Variants in TRPM7 observed in about 807,000 individuals in gnomAD.
TRPM7 encodes the protein transient receptor potential cation channel subfamily M member 7, also known as LTRPC ion channel family member 7.
Under a neutral mutation model 229.7 loss-of-function variants are expected in TRPM7, and 134 were observed. The observed-to-expected ratio is 0.58, with a 90% CI of 0.51 to 0.67. The LOEUF (loss-of-function observed/expected upper bound fraction) is 0.67, where lower values mean the gene tolerates loss of function less well. Ranked by LOEUF, TRPM7 falls within the 30% of genes least tolerant of loss-of-function variation. The pLI is 0.00. For missense variants in TRPM7, 1,901 were observed against 2,210.0 expected (o/e 0.86, Z 2.80); for synonymous variants, 699 against 715.2 (o/e 0.98, Z 0.36).
At chr15:50,568,111 C>CAAAAAAAAAAA (rs57093955) in intron 38 of TRPM7, among the ~76,000 whole-genome samples, 1 of 81,438 alleles carries the variant, frequency 1.2e-5, no homozygotes, top group Non-Finnish European at 2.2e-5. Flanking sequence ...GACTCTGTCT[C>CAAAAAAAAAAA]AAAAAAAAAA....
chr15:50,606,787 C>T (rs542677495), intron 20 of TRPM7, among the ~76,000 whole-genome samples: 1 of 152,298 alleles, frequency 6.6e-6, no homozygotes, highest in Non-Finnish European at 1.5e-5. Context: ...GCGTGAGCCA[C>T]CGCGCCTGGC....
At chr15:50,676,610 G>C (rs1283003195) in intron 1 of TRPM7, among the ~76,000 whole-genome samples, 1 of 151,816 alleles carries the variant, frequency 6.6e-6, no homozygotes, top group East Asian at 1.9e-4. Context: ...ACACTGAAGA[G>C]CAACCAAAAG....
rs1191736889 is a variant in TRPM7, at chr15:50,611,213, G to A, written c.2160C>T (p.Thr720=). Residue 720 remains threonine (T), a synonymous_variant, in exon 17 of 39, where the codon ACC becomes ACT. Coordinates refer to ENST00000646667, the MANE Select transcript of TRPM7 (RefSeq NM_017672.6). ...TTGAAGAAACTGCTAACTTAAGGCA[G>A]GTTGAATTACTCCAGTTCTTCAGTT... ...TYELKNWSNS[T]CLKLAVSSRL... is the part of the protein sequence containing the mutation. The A allele has an allele frequency of 1.2e-6, 2 of 1,613,796 alleles. No homozygotes were observed. The highest frequency in any genetic ancestry group is 1.3e-5 in the African/African-American group (1 of 74,878).
In TRPM7 at chr15:50,617,896, C is replaced by T. The variant is rs183582415; in HGVS notation, c.1494+1849G>A. On this transcript the variant is annotated intron_variant, in intron 13 of 38. Transcript: ENST00000646667. ...CTGGTCTCAAACCCCTTCTCTCTGG[C>T]GATCCACTCACCTCAGACTACCAAA... Among the ~76,000 whole-genome samples, 94 of 152,080 alleles carry T rather than the reference C, an allele frequency of 6.2e-4. 1 individual carries two copies. Among genetic ancestry groups the T allele is most frequent in the African/African-American group, 2.1e-3 (87 of 41,502 alleles).
intron 25 of TRPM7, 57 bp downstream of exon 25, chr15:50,593,560 A>G (rs1270338692): frequency 3.2e-6 from 5 of 1,546,430 alleles, no homozygotes; most frequent in Middle Eastern, 3.8e-4. Flanking sequence ...TATAAGAAAT[A>G]TAACGAATAG....
intron 28 of TRPM7, among the ~76,000 whole-genome samples, chr15:50,584,589 T>C (rs1349638113): frequency 6.6e-6 from 1 of 151,884 alleles, no homozygotes; most frequent in Middle Eastern, 3.2e-3. Flanking sequence ...CTAGAAATGC[T>C]TGGGATCAGA....
At chr15:50,641,997 CA>C (rs36020101) in intron 5 of TRPM7, among the ~76,000 whole-genome samples, 36,344 of 121,836 alleles carry the variant, frequency 0.3, 4,569 homozygotes, top group Admixed American at 0.38. Context: ...GACTCTGTCT[CA>C]AAAAAAAAAA....
Position 50,574,458 on chromosome 15 carries a change from C to A in TRPM7, c.5124G>T (p.Leu1708=). ...YSPRFLEVFL[L]YCHSAGQWFA... ...ACCACTGTCCTGCTGAATGGCAATACAGCAGGAAAACTTCAAGGAACCTTA... is the reference window on the plus strand; with the variant it reads ...ACCACTGTCCTGCTGAATGGCAATAAAGCAGGAAAACTTCAAGGAACCTTA... Residue 1708 remains leucine (L), a synonymous_variant, in exon 36 of 39, where the codon CTG becomes CTT. Coordinates refer to ENST00000646667, the MANE Select transcript of TRPM7 (RefSeq NM_017672.6). 6.2e-7 allele frequency: 1 copy of A among 1,613,116 alleles called. No homozygotes were observed. Among genetic ancestry groups the A allele is most frequent in the Non-Finnish European group, 8.5e-7 (1 of 1,179,774 alleles).
intron 13 of TRPM7, among the ~76,000 whole-genome samples, chr15:50,617,382 A>C (rs2060256663): frequency 6.6e-6 from 1 of 150,868 alleles, no homozygotes; most frequent in Non-Finnish European, 1.5e-5. Flanking sequence ...AGGCACCTGC[A>C]ATCCCAGCTA....
intron 21 of TRPM7, among the ~76,000 whole-genome samples, chr15:50,601,379 C>T (rs2059775681): frequency 6.6e-6 from 1 of 152,152 alleles, no homozygotes; most frequent in East Asian, 1.9e-4. Flanking sequence ...CACGGTGGCT[C>T]ACGCCTGTAA....
At chr15:50,633,863 C>A (rs937578889) in intron 8 of TRPM7, among the ~76,000 whole-genome samples, 1 of 152,156 alleles carries the variant, frequency 6.6e-6, no homozygotes, top group African/African-American at 2.4e-5. Context: ...AAACTGTGTT[C>A]CATGAAGATG....
chr15:50,584,074 A>C (rs890285647), intron 28 of TRPM7, among the ~76,000 whole-genome samples: 1 of 152,206 alleles, frequency 6.6e-6, no homozygotes, highest in East Asian at 1.9e-4. Context: ...CTTTGTTGTC[A>C]TATCTTATTT....
In TRPM7 at chr15:50,634,507, T is replaced by C. The variant is rs768961379; in HGVS notation, c.882A>G (p.Pro294=). Residue 294 remains proline (P), a synonymous_variant, in exon 8 of 39, where the codon CCA becomes CCG. Coordinates refer to ENST00000646667, the MANE Select transcript of TRPM7 (RefSeq NM_017672.6). ...ATTCAAGAACTGTGAGGATAACATT[T>C]GGCCCACCCTCAAATATAAGTGCCA... The part of the protein sequence containing the change: ...PVVALIFEGG[P]NVILTVLEYL... The C allele has an allele frequency of 6.4e-7, 1 of 1,569,290 alleles. No individual in the cohort carries two copies. The highest frequency in any genetic ancestry group is 1.2e-5 in the South Asian group (1 of 83,162).
chr15:50,637,010 T>A (rs1353304162), intron 7 of TRPM7, among the ~76,000 whole-genome samples: 1 of 151,696 alleles, frequency 6.6e-6, no homozygotes, highest in African/African-American at 2.4e-5. Context: ...CCTGTAGTCC[T>A]AGCTACTCAG....
In TRPM7 at chr15:50,583,130, C is replaced by G; in HGVS notation, c.4516G>C (p.Glu1506Gln). ...AEKISRRPST[E>Q]DTHEVDSKAA... ...TTGGAATCTACTTCATGAGTGTCTT[C>G]GGTAGATGGCCTTCTACTGATTTTT... Residue 1506 changes from glutamate to glutamine, a missense_variant, in exon 29 of 39, where the codon GAA (glutamate) becomes CAA (glutamine). Glu to Gln is a conservative substitution (Grantham distance 29). Coordinates refer to ENST00000646667, the MANE Select transcript of TRPM7 (RefSeq NM_017672.6). 1 of 1,607,306 alleles carries G rather than the reference C, an allele frequency of 6.2e-7. No homozygotes were observed. The highest frequency in any genetic ancestry group is 8.5e-7 in the Non-Finnish European group (1 of 1,177,754).
At chr15:50,592,877 C>G (rs1040991204) in intron 25 of TRPM7, among the ~76,000 whole-genome samples, 2 of 152,046 alleles carry the variant, frequency 1.3e-5, no homozygotes, top group African/African-American at 4.8e-5. Context: ...CCAATTACCC[C>G]ACATCAAAGT....
At chr15:50,644,115 A>G (rs904141715) in intron 4 of TRPM7, among the ~76,000 whole-genome samples, 2 of 152,250 alleles carry the variant, frequency 1.3e-5, no homozygotes, top group East Asian at 3.8e-4. Context: ...TTCACTGTAA[A>G]TAACTGGATT....
chr15:50,634,464 G>T lies in TRPM7; in HGVS notation c.925C>A (p.Pro309Thr). 2 of 1,585,324 alleles carry T rather than the reference G, an allele frequency of 1.3e-6. No individual in the cohort carries two copies. The highest frequency in any genetic ancestry group is 1.7e-6 in the Non-Finnish European group (2 of 1,168,152). The part of the protein sequence containing the change: ...TVLEYLQESP[P>T]VPVVVCEGTG... ...CCTTCACACACAACTACTGGAACAG[G>T]GGGGCTTTCCTGAAGGTATTCAAGA... is the stretch of plus-strand genomic sequence containing the variant. Residue 309 changes from proline (P) to threonine (T), a missense_variant, in exon 8 of 39, where the codon CCT (proline) becomes ACT (threonine). Coordinates refer to ENST00000646667, the MANE Select transcript of TRPM7 (RefSeq NM_017672.6).
At chr15:50,599,514 G>C in intron 21 of TRPM7, 1 of 385,516 alleles carries the variant, frequency 2.6e-6, no homozygotes, top group South Asian at 7.9e-5. Context: ...ATTAAGCTAA[G>C]CAAGTCATGG....
Sources: allele counts gnomAD v4.1 joint callset (sites outside exome capture counted in the v4.1 genomes callset), GRCh38; gene constraint gnomAD v4.1.1; transcripts MANE v1.5; gene names NCBI Gene and HGNC (gene_info 2026-07-23, HGNC 2026-07-21).